The following MKLN1 variants were observed in gnomAD, a reference collection of about 807,000 sequenced individuals.
MKLN1 encodes muskelin.
A neutral mutation model predicts 99.0 loss-of-function variants in MKLN1; 18 were observed. The observed-to-expected ratio is 0.18, with a 90% CI of 0.13 to 0.27. The LOEUF (loss-of-function observed/expected upper bound fraction) is 0.27, where lower values mean the gene tolerates loss of function less well. MKLN1 is among the 10% of genes least tolerant of loss of function. The pLI is 1.00. For synonymous variants in MKLN1, 288 were observed against 293.2 expected (o/e 0.98, Z 0.18); for missense variants, 621 against 875.9 (o/e 0.71, Z 3.67).
chr7:131,165,981 AGTGTGCACCT>A (rs1473003023), intron 2 of MKLN1, among the ~76,000 whole-genome samples: 1 of 152,088 alleles, frequency 6.6e-6, no homozygotes, highest in Non-Finnish European at 1.5e-5. Flanking sequence ...TGAGAGTGGC[AGTGTGCACCT>A]GTGGTTCCGG....
chr7:131,181,705 G>T (rs1245067471), intron 2 of MKLN1, among the ~76,000 whole-genome samples: 1 of 150,884 alleles, frequency 6.6e-6, no homozygotes, highest in African/African-American at 2.4e-5. Flanking sequence ...TGTCACCCAG[G>T]CTGGAGTCCA....
intron 3 of MKLN1, among the ~76,000 whole-genome samples, chr7:131,250,435 C>T (rs961388722): frequency 5.9e-5 from 9 of 152,176 alleles, no homozygotes; most frequent in African/African-American, 2.2e-4. Context: ...AACACATGGC[C>T]TGGCTTGTTA....
chr7:131,354,515 G>GT (rs1799816116), intron 1 of MKLN1, among the ~76,000 whole-genome samples: 1 of 140,822 alleles, frequency 7.1e-6, no homozygotes, highest in African/African-American at 2.8e-5. Flanking sequence ...TTTTTTTTGT[G>GT]GGGGGGGGCG....
intron 1 of MKLN1, among the ~76,000 whole-genome samples, chr7:131,128,484 G>T (rs1434471247): frequency 6.6e-6 from 1 of 152,144 alleles, no homozygotes; most frequent in Non-Finnish European, 1.5e-5. Context: ...TTTGAATCCA[G>T]CCTGGGCAAC....
intron 8 of MKLN1, among the ~76,000 whole-genome samples, chr7:131,417,909 AAGTTGGAGAAAATTTTACTCAAC>A (rs1795070121): frequency 6.6e-6 from 1 of 152,212 alleles, no homozygotes; most frequent in Admixed American, 6.5e-5. Context: ...ACTTAATTAT[AAGTTGGAGAAAATTTTACTCAAC>A]AGCATTCTTT....
chr7:131,354,068 T>C (rs992771561), intron 1 of MKLN1, among the ~76,000 whole-genome samples: 1 of 152,102 alleles, frequency 6.6e-6, no homozygotes. Flanking sequence ...GAGTGATCGC[T>C]CTCATTTTAT....
At chr7:131,448,022 A>G (rs1796066895) in intron 12 of MKLN1, among the ~76,000 whole-genome samples, 1 of 152,128 alleles carries the variant, frequency 6.6e-6, no homozygotes, top group South Asian at 2.1e-4. Context: ...AGGTCAGGAG[A>G]TCGAGACCAT....
chr7:131,481,235 G>A (rs1797113799), intron 17 of MKLN1, among the ~76,000 whole-genome samples: 1 of 152,274 alleles, frequency 6.6e-6, no homozygotes. Flanking sequence ...GTGATCTTGA[G>A]CAAGTTATTT....
chr7:131,243,369 C>T (rs1797436223), intron 3 of MKLN1, among the ~76,000 whole-genome samples: 1 of 152,168 alleles, frequency 6.6e-6, no homozygotes, highest in African/African-American at 2.4e-5. Flanking sequence ...AATGCTGTTA[C>T]CGGCCTTTGT....
chr7:131,375,674 C>G (rs967657510), intron 2 of MKLN1, among the ~76,000 whole-genome samples, 181 bp downstream of exon 2: 8 of 151,968 alleles, frequency 5.3e-5, no homozygotes, highest in Non-Finnish European at 1.2e-4. Context: ...ATCTCATAGG[C>G]AAATGCAGTG....
At chr7:131,465,706 TTTTTTTGTA>T (rs1265618735) in intron 14 of MKLN1, among the ~76,000 whole-genome samples, 1 of 151,854 alleles carries the variant, frequency 6.6e-6, no homozygotes, top group Non-Finnish European at 1.5e-5. Context: ...GCCCGGCTAA[TTTTTTTGTA>T]TTTTTAGTAG....
intron 7 of MKLN1, among the ~76,000 whole-genome samples, chr7:131,412,704 T>C (rs1267650844): frequency 6.6e-6 from 1 of 152,320 alleles, no homozygotes; most frequent in East Asian, 1.9e-4. Context: ...TACTCACTGC[T>C]TTGCCAGATA....
intron 1 of MKLN1, among the ~76,000 whole-genome samples, chr7:131,135,044 AC>A (rs1253959383): frequency 5.9e-5 from 9 of 152,092 alleles, no homozygotes; most frequent in Non-Finnish European, 1.2e-4. Context: ...TATTCCTCTT[AC>A]AAAAAAGCCA....
intron 13 of MKLN1, 104 bp from the exon 14 acceptor site, chr7:131,464,190 T>A: frequency 1.7e-6 from 1 of 576,094 alleles, no homozygotes; most frequent in Non-Finnish European, 3.1e-6. Context: ...AACGCATTTC[T>A]AAAATTTTTT....
intron 3 of MKLN1, among the ~76,000 whole-genome samples, chr7:131,257,749 A>C (rs1797677418): frequency 6.6e-6 from 1 of 152,104 alleles, no homozygotes; most frequent in Non-Finnish European, 1.5e-5. Context: ...AGAGAAGGGA[A>C]AGGAAGGGGA....
chr7:131,189,272 G>A (rs956277821), intron 2 of MKLN1, among the ~76,000 whole-genome samples: 15 of 152,174 alleles, frequency 9.9e-5, no homozygotes, highest in Non-Finnish European at 1.8e-4. Context: ...TGATTGAAAT[G>A]ACAGACAGGG....
At chr7:131,127,058 G>A (rs1358416851) in intron 1 of MKLN1, among the ~76,000 whole-genome samples, 2 of 151,990 alleles carry the variant, frequency 1.3e-5, no homozygotes, top group African/African-American at 4.8e-5. Context: ...CCAGCTACTC[G>A]GGAGGCTGAG....
chr7:131,210,129 G>A (rs1796879000), intron 3 of MKLN1, among the ~76,000 whole-genome samples: 1 of 152,174 alleles, frequency 6.6e-6, no homozygotes, highest in Admixed American at 6.5e-5. Flanking sequence ...GGTTTGAGAT[G>A]CCTATTAGAT....
intron 3 of MKLN1, among the ~76,000 whole-genome samples, chr7:131,224,335 C>T (rs1383921593): frequency 1.2e-5 from 1 of 82,868 alleles, no homozygotes; most frequent in Non-Finnish European, 3.0e-5. Context: ...CCCCTTAGGT[C>T]AGGAGTTTAA....
Sources: gnomAD v4.1 joint callset for allele counts (sites outside exome capture counted in the v4.1 genomes callset) on GRCh38, gnomAD v4.1.1 for gene constraint, MANE v1.5 for transcripts, NCBI Gene and HGNC (gene_info 2026-07-23, HGNC 2026-07-21) for gene names.